The following BMPR1A variants were observed in gnomAD, a reference collection of about 807,000 sequenced individuals.
BMPR1A encodes bone morphogenetic protein receptor type 1A, also known as bone morphogenetic protein receptor type-1A.
A neutral mutation model predicts 66.0 loss-of-function variants in BMPR1A; 7 were observed. That is an observed-to-expected ratio of 0.11 (90% CI 0.06 to 0.20). The LOEUF is 0.20. Ranked by LOEUF, BMPR1A falls within the 10% of genes least tolerant of loss-of-function variation. The probability of loss-of-function intolerance (pLI) is 1.00; values close to 1 mark genes in which losing one functional copy is unlikely to be tolerated. For missense variants in BMPR1A, 408 were observed against 669.1 expected (o/e 0.61, Z 4.31); for synonymous variants, 200 against 229.7 (o/e 0.87, Z 1.17).
At chr10:86,760,240 C>CTTTTTTTTTTTTTTTTTTTTTTTT (rs1841025806) in intron 1 of BMPR1A, among the ~76,000 whole-genome samples, 2 of 17,488 alleles carry the variant, frequency 1.1e-4, no homozygotes, top group Non-Finnish European at 1.0e-4. Flanking sequence ...TTCTTTCTTT[C>CTTTTTTTTTTTTTTTTTTTTTTTT]TTTCTTTCTT....
At chr10:86,857,964 T>C (rs1168084038) in intron 2 of BMPR1A, among the ~76,000 whole-genome samples, 1 of 152,108 alleles carries the variant, frequency 6.6e-6, no homozygotes, top group Non-Finnish European at 1.5e-5. Context: ...TCCTGTATCC[T>C]GTTTGTTAGA....
chr10:86,802,891 T>C (rs1841831699), intron 1 of BMPR1A, among the ~76,000 whole-genome samples: 1 of 151,260 alleles, frequency 6.6e-6, no homozygotes, highest in Non-Finnish European at 1.5e-5. Flanking sequence ...GACAACGTAG[T>C]GAGACTCCAT....
intron 10 of BMPR1A, among the ~76,000 whole-genome samples, 163 bp downstream of exon 10, chr10:86,919,632 G>A (rs1334460521): frequency 6.6e-6 from 1 of 151,676 alleles, no homozygotes; most frequent in Non-Finnish European, 1.5e-5. Context: ...CAAAAATTGT[G>A]TCCTACTTCT....
chr10:86,871,184 C>T (rs933752981), intron 2 of BMPR1A, among the ~76,000 whole-genome samples: 2 of 152,240 alleles, frequency 1.3e-5, no homozygotes, highest in African/African-American at 4.8e-5. Context: ...CTCAGCATTG[C>T]TTCCCTTTCC....
At chr10:86,800,619 C>T (rs940489713) in intron 1 of BMPR1A, among the ~76,000 whole-genome samples, 3 of 152,166 alleles carry the variant, frequency 2.0e-5, no homozygotes, top group African/African-American at 7.2e-5. Flanking sequence ...TCTTGAACTC[C>T]TGAGCTCAAG....
At chr10:86,791,620 A>G (rs1464210905) in intron 1 of BMPR1A, among the ~76,000 whole-genome samples, 3 of 151,910 alleles carry the variant, frequency 2.0e-5, no homozygotes, top group African/African-American at 7.2e-5. Context: ...AAGAAAAAAA[A>G]AAAGCCCTGT....
chr10:86,898,726 C>T (rs1205000310), intron 5 of BMPR1A, among the ~76,000 whole-genome samples: 1 of 152,272 alleles, frequency 6.6e-6, no homozygotes, highest in East Asian at 1.9e-4. Flanking sequence ...CTCATTTTAG[C>T]TTTCCTGGAA....
intron 2 of BMPR1A, among the ~76,000 whole-genome samples, chr10:86,857,244 A>G (rs944261703): frequency 1.3e-5 from 2 of 152,084 alleles, no homozygotes; most frequent in South Asian, 4.1e-4. Context: ...TCATCTTGTT[A>G]GCATAATCTC....
chr10:86,867,748 G>A (rs7478354), intron 2 of BMPR1A, among the ~76,000 whole-genome samples: 152,335 of 152,342 alleles, frequency 1, 76,164 homozygotes, highest in Middle Eastern at 1. Context: ...TGCATCTAAT[G>A]TTGAGGTCCT....
At chr10:86,886,975 G>A (rs1197510748) in intron 3 of BMPR1A, among the ~76,000 whole-genome samples, 1 of 151,636 alleles carries the variant, frequency 6.6e-6, no homozygotes, top group Non-Finnish European at 1.5e-5. Context: ...GATTACAGGC[G>A]CCTTGCCACC....
chr10:86,864,722 A>G (rs73350098), intron 2 of BMPR1A, among the ~76,000 whole-genome samples: 2,533 of 152,282 alleles, frequency 0.017, 76 homozygotes, highest in African/African-American at 0.058. Flanking sequence ...GGGTCTCCCA[A>G]TTCTGTCCTT....
chr10:86,899,970 A>G (rs1232355358), intron 6 of BMPR1A, 57 bp from the exon 7 acceptor site: 4 of 1,611,156 alleles, frequency 2.5e-6, no homozygotes, highest in Non-Finnish European at 3.4e-6. Flanking sequence ...CCTAGAATTG[A>G]ACACGTCAGA....
At position 86,867,100 on chromosome 10, in the gene BMPR1A, C is replaced by T. The variant is rs1466857740; in HGVS notation, c.-152-8767C>T. Among the ~76,000 whole-genome samples the T allele has an allele frequency of 5.3e-5, 8 of 152,304 alleles. No individual in the cohort carries two copies. In the East Asian group the frequency reaches 1.5e-3, roughly 29 times the overall value. On this transcript the variant is annotated intron_variant, in intron 2 of 12. Transcript: ENST00000372037. ...TCTGTTTTAGGCTAGACTCTGAACT[C>T]TTTACCACCACATTAAACTGTTTTT...
chr10:86,930,161 G>A (rs74153427), downstream of BMPR1A: 3,556 of 152,432 alleles, frequency 0.023, 146 homozygotes, highest in African/African-American at 0.08. Flanking sequence ...ATAAGCAGAA[G>A]TGGGAGAGTC....
intron 1 of BMPR1A, among the ~76,000 whole-genome samples, chr10:86,822,817 A>G (rs958905032): frequency 2.0e-5 from 3 of 151,732 alleles, no homozygotes; most frequent in African/African-American, 7.3e-5. Context: ...TTTAGTAGAG[A>G]TGGAGTTTCA....
intron 1 of BMPR1A, among the ~76,000 whole-genome samples, chr10:86,837,617 AC>A (rs1336462565): frequency 1.3e-5 from 2 of 152,234 alleles, no homozygotes; most frequent in Non-Finnish European, 2.9e-5. Context: ...TCTCAGAAGA[AC>A]ACTGAACACC....
chr10:86,827,453 CT>C (rs1298078914), intron 1 of BMPR1A, among the ~76,000 whole-genome samples: 2 of 152,068 alleles, frequency 1.3e-5, no homozygotes, highest in Non-Finnish European at 2.9e-5. Flanking sequence ...TGCTTGACAC[CT>C]CGGTTTCACC....
chr10:86,901,900 T>C lies in BMPR1A; in HGVS notation c.530+1774T>C, dbSNP rs772320279. 5.2e-5 allele frequency among the ~76,000 whole-genome samples: 6 copies of C among 116,020 alleles called. No individual in the cohort carries two copies. In the South Asian group the frequency reaches 1.3e-3, roughly 24 times the overall value. The allele number at this position is 116,020 out of a possible 152,430, so 76.1% of individuals were successfully genotyped here. A position where few individuals can be genotyped will look rare whatever the true frequency, so the allele number is the denominator to read the frequency against. The stretch of plus-strand genomic sequence containing the variant: ...TTTATTTAGAAATAGAGTCTCACTC[T>C]GTCTCCCAGGTGGAGTGCAGTGATC... On this transcript the variant is annotated intron_variant, in intron 7 of 12. Transcript: ENST00000372037.
chr10:86,791,705 CTCCCTCCCTTCCTTCCTTCCTTCCT>C lies in BMPR1A; in HGVS notation c.-268+34796_-268+34820del, dbSNP rs1193431196. On this transcript the variant is annotated intron_variant, in intron 1 of 12. Transcript: ENST00000372037. ...ACTTCCTTCCTCCCTCCCTCCCTCC[CTCCCTCCCTTCCTTCCTTCCTTCCT>C]TCCCTCCCTCCCTCCCTCTTGCTCT... 6.2e-5 allele frequency among the ~76,000 whole-genome samples: 7 copies of C among 112,520 alleles called. No homozygotes were observed. In the East Asian group the frequency reaches 2.4e-3, roughly 38 times the overall value. The allele number at this position is 112,520 out of a possible 152,430, so 73.8% of individuals were successfully genotyped here.
Sources: gnomAD v4.1 joint callset for allele counts (sites outside exome capture counted in the v4.1 genomes callset) on GRCh38, gnomAD v4.1.1 for gene constraint, MANE v1.5 for transcripts, NCBI Gene and HGNC (gene_info 2026-07-23, HGNC 2026-07-21) for gene names.